The following STPG2 variants were observed in gnomAD, a reference collection of about 807,000 sequenced individuals.
STPG2 encodes the protein sperm tail PG-rich repeat containing 2, also known as sperm-tail PG-rich repeat-containing protein 2.
Under a neutral mutation model 54.2 loss-of-function variants are expected in STPG2, and 56 were observed. The ratio of observed to expected loss-of-function variants is 1.03; its 90% CI spans 0.83 to 1.29. STPG2 has a LOEUF of 1.29. Among genes scored for constraint, STPG2 ranks in the 50% most tolerant of loss-of-function variants. STPG2 has a pLI of 0.00. For missense variants in STPG2, 596 were observed against 544.9 expected (o/e 1.09, Z -0.93); for synonymous variants, 200 against 181.8 (o/e 1.10, Z -0.81).
At chr4:98,141,281 T>A (rs778437030) in intron 1 of STPG2, among the ~76,000 whole-genome samples, 20 of 152,186 alleles carry the variant, frequency 1.3e-4, no homozygotes, top group Non-Finnish European at 2.5e-4. Flanking sequence ...AAGTCTCTTG[T>A]GGGAAAAATC....
chr4:97,494,855 T>TAATTA (rs1373206903), intron 4 of STPG2, among the ~76,000 whole-genome samples: 5 of 151,482 alleles, frequency 3.3e-5, no homozygotes, highest in Non-Finnish European at 7.4e-5. Flanking sequence ...GCCATCATAA[T>TAATTA]AATTAAATGT....
chr4:97,683,609 G>C (rs1228402884), intron 10 of STPG2, among the ~76,000 whole-genome samples: 1 of 151,384 alleles, frequency 6.6e-6, no homozygotes, highest in Non-Finnish European at 1.5e-5. Flanking sequence ...GGAATAAATG[G>C]GAAGCTCCTC....
intron 8 of STPG2, among the ~76,000 whole-genome samples, chr4:97,863,859 A>G (rs2149144454): frequency 6.6e-6 from 1 of 152,328 alleles, no homozygotes; most frequent in South Asian, 2.1e-4. Flanking sequence ...ACACATGATT[A>G]TCTCAATAGA....
intron 10 of STPG2, among the ~76,000 whole-genome samples, chr4:97,684,227 T>C (rs1391876269): frequency 6.6e-6 from 1 of 151,848 alleles, no homozygotes; most frequent in Non-Finnish European, 1.5e-5. Flanking sequence ...AGTTACCTGG[T>C]GGATATCAAT....
intron 8 of STPG2, among the ~76,000 whole-genome samples, chr4:97,922,151 AT>A (rs1732133159): frequency 1.3e-5 from 2 of 152,202 alleles, no homozygotes; most frequent in Non-Finnish European, 2.9e-5. Context: ...AATTGTTAAG[AT>A]CTTAAATGTT....
At chr4:97,963,668 T>C (rs1045839046) in intron 7 of STPG2, among the ~76,000 whole-genome samples, 4 of 151,448 alleles carry the variant, frequency 2.6e-5, no homozygotes, top group Admixed American at 1.3e-4. Context: ...CATATATATA[T>C]AAATACATAT....
intron 5 of STPG2, among the ~76,000 whole-genome samples, chr4:98,066,381 G>T (rs965362381): frequency 6.6e-6 from 1 of 152,140 alleles, no homozygotes; most frequent in Non-Finnish European, 1.5e-5. Flanking sequence ...CCAAGGTCAG[G>T]AGTTTGATAC....
chr4:97,465,788 C>G (rs1729773832), intron 4 of STPG2, among the ~76,000 whole-genome samples: 2 of 151,454 alleles, frequency 1.3e-5, no homozygotes, highest in African/African-American at 2.4e-5. Context: ...ATCATTTTTG[C>G]TGTTGAATTG....
chr4:97,768,462 T>C (rs1365345974), intron 9 of STPG2, among the ~76,000 whole-genome samples: 1 of 152,150 alleles, frequency 6.6e-6, no homozygotes, highest in Non-Finnish European at 1.5e-5. Flanking sequence ...CAGGAATTTA[T>C]GCTGAGTGGG....
At chr4:97,611,268 C>T (rs944102366) in intron 10 of STPG2, among the ~76,000 whole-genome samples, 1 of 150,972 alleles carries the variant, frequency 6.6e-6, no homozygotes, top group Non-Finnish European at 1.5e-5. Flanking sequence ...TGATCCCTAA[C>T]CTCATGGAAA....
intron 5 of STPG2, among the ~76,000 whole-genome samples, chr4:98,098,736 A>G (rs1320551645): frequency 6.6e-6 from 1 of 152,198 alleles, no homozygotes; most frequent in Admixed American, 6.5e-5. Context: ...CAAGGGATTC[A>G]TAACGAGAAC....
intron 8 of STPG2, among the ~76,000 whole-genome samples, chr4:97,846,676 C>T (rs2149126715): frequency 6.7e-6 from 1 of 150,148 alleles, no homozygotes; most frequent in South Asian, 2.1e-4. Flanking sequence ...GGGCACAGGA[C>T]CACAAAGGCA....
intron 4 of STPG2, among the ~76,000 whole-genome samples, chr4:97,466,996 A>G (rs999725716): frequency 6.6e-6 from 1 of 152,172 alleles, no homozygotes; most frequent in East Asian, 1.9e-4. Flanking sequence ...AAGAAAAAAA[A>G]TAGTTAACAT....
chr4:97,830,713 G>A (rs1264235013), intron 9 of STPG2, among the ~76,000 whole-genome samples: 2 of 152,086 alleles, frequency 1.3e-5, no homozygotes, highest in Non-Finnish European at 2.9e-5. Context: ...AAAACAAGCA[G>A]AGGTTGCAAT....
intron 8 of STPG2, among the ~76,000 whole-genome samples, chr4:97,914,784 C>G (rs1363096510): frequency 6.6e-6 from 1 of 152,162 alleles, no homozygotes; most frequent in Non-Finnish European, 1.5e-5. Context: ...TTTCTTTGAG[C>G]ATCATGTCGG....
At chr4:97,904,184 A>T (rs568679245) in intron 8 of STPG2, among the ~76,000 whole-genome samples, 1 of 152,224 alleles carries the variant, frequency 6.6e-6, no homozygotes, top group Non-Finnish European at 1.5e-5. Context: ...TAACCTCTGC[A>T]GACTTAAATG....
At chr4:97,796,629 T>C (rs1727190905) in intron 9 of STPG2, among the ~76,000 whole-genome samples, 1 of 152,200 alleles carries the variant, frequency 6.6e-6, no homozygotes, top group African/African-American at 2.4e-5. Context: ...TGAAGTCAGG[T>C]AGCATGATGC....
chr4:97,581,148 T>C (rs1025873395), intron 10 of STPG2, among the ~76,000 whole-genome samples: 13 of 152,060 alleles, frequency 8.5e-5, no homozygotes, highest in Non-Finnish European at 1.8e-4. Flanking sequence ...TAAAATAAAT[T>C]ACAAATTCAT....
At chr4:97,705,684 T>G (rs1723919326) in intron 10 of STPG2, among the ~76,000 whole-genome samples, 1 of 152,028 alleles carries the variant, frequency 6.6e-6, no homozygotes, top group African/African-American at 2.4e-5. Flanking sequence ...GCCCAGAAAT[T>G]CTTTATCATA....
Sources: allele counts gnomAD v4.1 joint callset (sites outside exome capture counted in the v4.1 genomes callset), GRCh38; gene constraint gnomAD v4.1.1; transcripts MANE v1.5; gene names NCBI Gene and HGNC (gene_info 2026-07-23, HGNC 2026-07-21).